Variants in CACNA2D3 observed in about 807,000 individuals in gnomAD.
The protein encoded by CACNA2D3 is voltage-dependent calcium channel subunit alpha-2/delta-3.
Under a neutral mutation model 160.6 loss-of-function variants are expected in CACNA2D3, and 60 were observed. The ratio of observed to expected loss-of-function variants is 0.37; its 90% CI spans 0.30 to 0.46. CACNA2D3 has a LOEUF of 0.46. Ranked by LOEUF, CACNA2D3 falls within the 20% of genes least tolerant of loss-of-function variation. The pLI is 1.00. For missense variants in CACNA2D3, 1,205 were observed against 1,365.0 expected, an observed-to-expected ratio of 0.88 and a Z score of 1.85; for synonymous variants, 558 against 492.9, an observed-to-expected ratio of 1.13 and a Z score of -1.75.
At chr3:54,818,138 C>G (rs542701393) in intron 14 of CACNA2D3, among the ~76,000 whole-genome samples, 7 of 152,300 alleles carry the variant, frequency 4.6e-5, no homozygotes, top group Admixed American at 3.9e-4. Context: ...ACAAAGTATT[C>G]CTGTTACAGA....
chr3:54,856,849 C>T (rs527416876), intron 17 of CACNA2D3, among the ~76,000 whole-genome samples: 7 of 152,258 alleles, frequency 4.6e-5, no homozygotes, highest in South Asian at 2.1e-4. Flanking sequence ...GGCACAATCT[C>T]GGCTCACTGC....
chr3:54,312,874 C>T lies in CACNA2D3; in HGVS notation c.205-7568C>T, dbSNP rs150965137. Among the ~76,000 whole-genome samples the T allele has an allele frequency of 4.2e-3, 647 of 152,312 alleles. 4 individuals are homozygous for T. The highest frequency in any genetic ancestry group is 0.015 in the African/African-American group (624 of 41,576). ...CAGTCCTGGCTAAATCCACAGGCTG[C>T]CTTGCTGGGGCATCTCTGCTTACTG... On this transcript the variant is annotated intron_variant, in intron 2 of 37. Transcript: ENST00000474759.
At chr3:54,723,052 C>A (rs1701201785) in intron 11 of CACNA2D3, among the ~76,000 whole-genome samples, 2 of 152,328 alleles carry the variant, frequency 1.3e-5, no homozygotes, top group South Asian at 4.1e-4. Context: ...TCTATAAGTC[C>A]CTGACTGAGG....
At chr3:54,610,134 A>G (rs189519533) in intron 9 of CACNA2D3, among the ~76,000 whole-genome samples, 15 of 152,238 alleles carry the variant, frequency 9.9e-5, no homozygotes, top group Admixed American at 9.2e-4. Context: ...CTCTTATAAA[A>G]ACGCTAGATT....
chr3:54,755,098 G>A lies in CACNA2D3; in HGVS notation c.1246+2421G>A, dbSNP rs142933136. Among the ~76,000 whole-genome samples, 17 of 152,280 alleles carry A rather than the reference G, an allele frequency of 1.1e-4. No individual in the cohort carries two copies. The East Asian group carries it at 2.3e-3, about 21-fold the overall frequency. On this transcript the variant is annotated intron_variant, in intron 12 of 37. Transcript: ENST00000474759. ...ATACCATGCATGCCCATCCATCCAC[G>A]CAACAATACTGTGGGCAAGGCACAA...
At chr3:54,685,218 A>G (rs1700428267) in intron 11 of CACNA2D3, among the ~76,000 whole-genome samples, 2 of 152,198 alleles carry the variant, frequency 1.3e-5, no homozygotes, top group Admixed American at 1.3e-4. Flanking sequence ...AATCAACAAC[A>G]AGAAAAAGAA....
chr3:54,867,352 G>A (rs1317303123), intron 17 of CACNA2D3, among the ~76,000 whole-genome samples: 1 of 152,112 alleles, frequency 6.6e-6, no homozygotes, highest in Non-Finnish European at 1.5e-5. Flanking sequence ...GGAAAACAGT[G>A]AGGCATTTTA....
chr3:54,232,966 C>T (rs1009483210), intron 2 of CACNA2D3, among the ~76,000 whole-genome samples: 2 of 152,202 alleles, frequency 1.3e-5, no homozygotes, highest in Admixed American at 6.5e-5. Flanking sequence ...AGTTGTCAGT[C>T]TACTGCGGAG....
chr3:54,570,266 G>T (rs1309138317), intron 8 of CACNA2D3, among the ~76,000 whole-genome samples, 162 bp downstream of exon 8: 5 of 152,154 alleles, frequency 3.3e-5, no homozygotes, highest in African/African-American at 7.2e-5. Flanking sequence ...ACAGTGGAAG[G>T]CAGTGGAAGG....
chr3:54,227,464 G>T (rs557054173), intron 2 of CACNA2D3, among the ~76,000 whole-genome samples: 173 of 145,874 alleles, frequency 1.2e-3, no homozygotes, highest in Non-Finnish European at 1.9e-3. Context: ...GTAAAATTTG[G>T]TTTTTTGGTA....
intron 2 of CACNA2D3, among the ~76,000 whole-genome samples, chr3:54,158,312 A>C (rs962570313): frequency 2.0e-5 from 3 of 152,124 alleles, no homozygotes; most frequent in African/African-American, 7.2e-5. Context: ...CTTCTGTGGA[A>C]ATTTTGTTCC....
At chr3:54,232,632 G>T (rs940385403) in intron 2 of CACNA2D3, among the ~76,000 whole-genome samples, 1 of 152,114 alleles carries the variant, frequency 6.6e-6, no homozygotes, top group African/African-American at 2.4e-5. Context: ...TGCTTCCAGG[G>T]TCTGCTCCTT....
intron 5 of CACNA2D3, among the ~76,000 whole-genome samples, chr3:54,545,929 T>A (rs1702056847): frequency 6.6e-6 from 1 of 152,154 alleles, no homozygotes; most frequent in African/African-American, 2.4e-5. Flanking sequence ...ATCCAAGGCT[T>A]AATAGGTTTA....
chr3:54,464,342 C>G (rs1421667698), intron 4 of CACNA2D3, among the ~76,000 whole-genome samples: 2 of 152,196 alleles, frequency 1.3e-5, no homozygotes, highest in Non-Finnish European at 2.9e-5. Context: ...GAGGTTACTG[C>G]TGTCTTTTTG....
intron 13 of CACNA2D3, among the ~76,000 whole-genome samples, chr3:54,810,342 G>T (rs1283122465): frequency 6.6e-6 from 1 of 152,216 alleles, no homozygotes; most frequent in Non-Finnish European, 1.5e-5. Context: ...GTGGAAGGAT[G>T]TGAGACAACC....
chr3:54,871,653 A>G, intron 18 of CACNA2D3, 31 bp downstream of exon 18: 4 of 1,531,078 alleles, frequency 2.6e-6, no homozygotes, highest in Non-Finnish European at 3.6e-6. Context: ...CCTCGTGGAG[A>G]AGGACCTGCA....
intron 2 of CACNA2D3, among the ~76,000 whole-genome samples, chr3:54,254,413 A>G (rs1702256138): frequency 6.6e-6 from 1 of 152,228 alleles, no homozygotes; most frequent in Non-Finnish European, 1.5e-5. Context: ...GTTTCTTTTT[A>G]AAACAATACA....
chr3:54,872,186 G>A (rs1037645301), intron 18 of CACNA2D3, among the ~76,000 whole-genome samples: 1 of 152,126 alleles, frequency 6.6e-6, no homozygotes. Context: ...TGCACCCCAT[G>A]CTTTTTCCCC....
At chr3:54,330,227 T>C (rs958734002) in intron 3 of CACNA2D3, among the ~76,000 whole-genome samples, 18 of 151,702 alleles carry the variant, frequency 1.2e-4, no homozygotes, top group Middle Eastern at 3.4e-3. Flanking sequence ...TGTGTGTGTG[T>C]GTGTGTGTGT....
Sources: gnomAD v4.1 joint callset for allele counts (sites outside exome capture counted in the v4.1 genomes callset) on GRCh38, gnomAD v4.1.1 for gene constraint, MANE v1.5 for transcripts, NCBI Gene and HGNC (gene_info 2026-07-23, HGNC 2026-07-21) for gene names.